TVP23B: variants seen among roughly 807,000 people sequenced by gnomAD.
TVP23B encodes the protein Golgi apparatus membrane protein TVP23 homolog B.
A neutral mutation model predicts 30.6 loss-of-function variants in TVP23B; 10 were observed. That is an observed-to-expected ratio of 0.33 (90% confidence interval 0.20 to 0.55). The LOEUF is 0.55. TVP23B is among the 20% of genes least tolerant of loss of function. TVP23B has a pLI of 0.91. For missense variants in TVP23B, 153 were observed against 243.2 expected, an observed-to-expected ratio of 0.63 and a Z score of 2.47; for synonymous variants, 67 against 83.1, an observed-to-expected ratio of 0.81 and a Z score of 1.06.
intron 2 of TVP23B, among the ~76,000 whole-genome samples, chr17:18,790,060 A>G (rs2035967741): frequency 6.6e-6 from 1 of 152,186 alleles, no homozygotes; most frequent in Non-Finnish European, 1.5e-5. Context: ...AAGTTGTAAA[A>G]TTGGAGTGAT....
chr17:18,785,228 A>G (rs1403730477), intron 1 of TVP23B, among the ~76,000 whole-genome samples: 1 of 152,154 alleles, frequency 6.6e-6, no homozygotes, highest in South Asian at 2.1e-4. Flanking sequence ...ACTCCAATGG[A>G]TCTCCCTTTC....
intron 1 of TVP23B, among the ~76,000 whole-genome samples, chr17:18,783,067 T>C (rs1184774674): frequency 1.8e-5 from 2 of 112,472 alleles, no homozygotes; most frequent in East Asian, 2.5e-4. Context: ...CAATGTTGAC[T>C]GTTCCCACTA....
chr17:18,785,528 A>G lies in TVP23B; in HGVS notation c.13-3825A>G, dbSNP rs564904127. On this transcript the variant is annotated intron_variant, in intron 1 of 6. Coordinates refer to ENST00000307767, the MANE Select transcript of TVP23B (RefSeq NM_016078.6). Reference sequence around the variant, plus strand: ...AATAGTGTTCTAGGTAATATGAACCATAAGTGCAAAAGAACCTGACGGGGC... The same window carrying G: ...AATAGTGTTCTAGGTAATATGAACCGTAAGTGCAAAAGAACCTGACGGGGC... Among the ~76,000 whole-genome samples, 1,153 of 152,178 alleles carry G rather than the reference A, an allele frequency of 7.6e-3. 15 individuals carry two copies. Among genetic ancestry groups the G allele is most frequent in the African/African-American group, 0.025 (1,041 of 41,504 alleles).
chr17:18,801,208 G>GTT (rs1196001217), intron 5 of TVP23B, among the ~76,000 whole-genome samples: 1 of 151,840 alleles, frequency 6.6e-6, no homozygotes, highest in Non-Finnish European at 1.5e-5. Flanking sequence ...TTTTCTTTAG[G>GTT]TTTTTCTGTA....
At chr17:18,795,401 A>G (rs1597620311) in intron 3 of TVP23B, among the ~76,000 whole-genome samples, 2 of 152,142 alleles carry the variant, frequency 1.3e-5, no homozygotes, top group Admixed American at 6.6e-5. Flanking sequence ...AGCAAACCAG[A>G]AATGTATCAG....
rs561758681 is a variant in TVP23B, at chr17:18,781,235, G to A, written c.-59G>A. The A allele has an allele frequency of 3.2e-6, 5 of 1,551,852 alleles. No homozygotes were observed. Among genetic ancestry groups the A allele is most frequent in the Non-Finnish European group, 4.4e-6 (5 of 1,148,250 alleles). ...TGACGGGTCGCCTCAGTTCCGACCC[G>A]GACCCGTACGCTGCTGCGCTGACGT... On this transcript the variant is annotated 5_prime_UTR_variant, in exon 1 of 7. Coordinates refer to ENST00000307767, the MANE Select transcript of TVP23B (RefSeq NM_016078.6).
Position 18,789,409 on chromosome 17 carries a change from T to G in TVP23B, c.69T>G (p.Thr23=), listed in dbSNP as rs1174217138. Residue 23 remains threonine, a synonymous_variant, in exon 2 of 7, where the codon ACT becomes ACG. Transcript: ENST00000307767. ...VSLFDAEEET[T]NRPRKAKIRH... ...TGTTTGATGCGGAAGAGGAGACGAC[T>G]AATAGACCAAGAAAAGCCAAAATCA... 6.2e-7 allele frequency: 1 copy of G among 1,613,990 alleles called. No homozygotes were observed. The highest frequency in any genetic ancestry group is 8.5e-7 in the Non-Finnish European group (1 of 1,179,872).
chr17:18,785,477 G>C (rs9897678), intron 1 of TVP23B, among the ~76,000 whole-genome samples: 41 of 151,142 alleles, frequency 2.7e-4, no homozygotes, highest in African/African-American at 8.8e-4. Flanking sequence ...GAGAAGAAAT[G>C]AGTCTTTCAA....
chr17:18,803,461 G>A (rs530408008), intron 5 of TVP23B, among the ~76,000 whole-genome samples: 13 of 152,292 alleles, frequency 8.5e-5, no homozygotes, highest in African/African-American at 2.9e-4. Flanking sequence ...TTCTAATTAA[G>A]ATTAATTAGA....
intron 5 of TVP23B, chr17:18,799,190 A>T (rs8079710): frequency 2.7e-3 from 153 of 55,810 alleles, no homozygotes; most frequent in East Asian, 4.4e-3. Context: ...AATGGTTGGT[A>T]ACCTATTGCT....
chr17:18,804,663 A>T, intron 6 of TVP23B: 3 of 908,928 alleles, frequency 3.3e-6, no homozygotes, highest in African/African-American at 1.9e-5. Flanking sequence ...ATCTTGGCTC[A>T]CTGCAACCTC....
At chr17:18,783,913 G>A (rs1263744804) in intron 1 of TVP23B, among the ~76,000 whole-genome samples, 4 of 151,706 alleles carry the variant, frequency 2.6e-5, no homozygotes, top group Admixed American at 6.6e-5. Context: ...TTGGGAGGCC[G>A]AAGCGGGTGG....
intron 3 of TVP23B, chr17:18,795,826 G>T (rs2036068492): frequency 6.6e-6 from 1 of 152,078 alleles, no homozygotes; most frequent in South Asian, 2.1e-4. Flanking sequence ...ATTAGATTAT[G>T]TTGTTATAAT....
At position 18,793,117 on chromosome 17, in the gene TVP23B, G is replaced by A. The variant is rs148411375; in HGVS notation, c.240+2077G>A. Among the ~76,000 whole-genome samples the A allele has an allele frequency of 3.4e-3, 520 of 152,256 alleles. 3 individuals carry two copies. The highest frequency in any genetic ancestry group is 0.012 in the African/African-American group (481 of 41,548). On this transcript the variant is annotated intron_variant, in intron 3 of 6. Transcript: ENST00000307767. ...TTTCTCCTGGGCCGCATTCAAAGCT[G>A]TCCTGGGCAGCATGAGGCCTGTGGG... is the stretch of plus-strand genomic sequence containing the variant.
At chr17:18,783,963 G>T (rs1472042159) in intron 1 of TVP23B, among the ~76,000 whole-genome samples, 4 of 152,098 alleles carry the variant, frequency 2.6e-5, no homozygotes, top group Admixed American at 6.5e-5. Flanking sequence ...TGGCTAACAC[G>T]GTGAAACCCC....
chr17:18,793,923 A>G (rs912039936), intron 3 of TVP23B, among the ~76,000 whole-genome samples: 1 of 152,210 alleles, frequency 6.6e-6, no homozygotes, highest in African/African-American at 2.4e-5. Context: ...AGATAACATC[A>G]GATCAACTCA....
At position 18,794,277 on chromosome 17, in the gene TVP23B, A is replaced by G. The variant is rs189361132; in HGVS notation, c.240+3237A>G. 2.0e-5 allele frequency among the ~76,000 whole-genome samples: 3 copies of G among 152,370 alleles called. No homozygotes were observed. The East Asian group carries it at 5.8e-4, about 29-fold the overall frequency. Reference sequence around the variant, plus strand: ...TGTTAAATGCCTGTGGGGCATTTACAAAAATTGACTAAATATCACTGTGAA... The same window carrying G: ...TGTTAAATGCCTGTGGGGCATTTACGAAAATTGACTAAATATCACTGTGAA... On this transcript the variant is annotated intron_variant, in intron 3 of 6. Transcript: ENST00000307767.
At chr17:18,802,153 C>T (rs2151852081) in intron 5 of TVP23B, among the ~76,000 whole-genome samples, 1 of 152,224 alleles carries the variant, frequency 6.6e-6, no homozygotes, top group African/African-American at 2.4e-5. Flanking sequence ...ACCCAGGAGG[C>T]AGAGTTTGCA....
chr17:18,791,224 T>C (rs2035990541), intron 3 of TVP23B, among the ~76,000 whole-genome samples, 184 bp downstream of exon 3: 1 of 127,416 alleles, frequency 7.8e-6, no homozygotes, highest in Admixed American at 8.7e-5. Context: ...ATTTTTTCCC[T>C]TTGACAATAC....
Sources: gnomAD v4.1 joint callset for allele counts (sites outside exome capture counted in the v4.1 genomes callset) on GRCh38, gnomAD v4.1.1 for gene constraint, MANE v1.5 for transcripts, NCBI Gene and HGNC (gene_info 2026-07-23, HGNC 2026-07-21) for gene names.